TEX2: variants seen among roughly 807,000 people sequenced by gnomAD.
The protein encoded by TEX2 is testis expressed 2.
Under a neutral mutation model 106.9 loss-of-function variants are expected in TEX2, and 53 were observed. The ratio of observed to expected loss-of-function variants is 0.50; its 90% confidence interval spans 0.40 to 0.62. The LOEUF is 0.62. TEX2 is among the 20% of genes least tolerant of loss of function. The pLI is 0.00. For missense variants in TEX2, 1,207 were observed against 1,379.0 expected, an observed-to-expected ratio of 0.88 and a Z score of 1.98; for synonymous variants, 523 against 534.8, an observed-to-expected ratio of 0.98 and a Z score of 0.30.
chr17:64,227,739 G>A (rs994987611), intron 1 of TEX2, among the ~76,000 whole-genome samples: 2 of 152,158 alleles, frequency 1.3e-5, no homozygotes, highest in African/African-American at 4.8e-5. Flanking sequence ...GTAGCAGTCT[G>A]GCCCTCTGGC....
Position 64,148,207 on chromosome 17 carries a change from C to T in TEX2, c.*762G>A, listed in dbSNP as rs923320840. The T allele has an allele frequency of 6.6e-6, 1 of 152,644 alleles. No homozygotes were observed. The highest frequency in any genetic ancestry group is 1.5e-5 in the Non-Finnish European group (1 of 68,044). 9.5% of individuals were successfully genotyped at this position (152,644 alleles called of 1,614,324 possible). On this transcript the variant is annotated 3_prime_UTR_variant, in exon 12 of 12. Coordinates refer to ENST00000584379, the MANE Select transcript of TEX2 (RefSeq NM_001288732.2). ...ATCCCATCTGTATGAGAGGACCCAT[C>T]CTGTCATGTGCAGTGTTTGATGTTT...
chr17:64,213,760 A>G lies in TEX2; in HGVS notation c.458T>C (p.Leu153Pro), dbSNP rs1366145501. The G allele has an allele frequency of 6.2e-7, 1 of 1,614,094 alleles. No individual in the cohort carries two copies. The highest frequency in any genetic ancestry group is 1.7e-5 in the Admixed American group (1 of 59,998). Residue 153 changes from leucine (L) to proline (P), a missense_variant, in exon 2 of 12, where the codon CTT (leucine) becomes CCT (proline). Coordinates refer to ENST00000584379, the MANE Select transcript of TEX2 (RefSeq NM_001288732.2). This position sits in a 1 kb window ranked among gnomAD's most constrained non-coding sequence, Gnocchi z 4.4. ...GGAAGAACTGGTTTTCTGCTCAGAA[A>G]GGGATGACACACTGGGAGAGCTAGC... ...PLASSPSVSS[L>P]SEQKTSSSSP...
At chr17:64,259,896 A>C (rs2034258779) in intron 1 of TEX2, among the ~76,000 whole-genome samples, 1 of 152,236 alleles carries the variant, frequency 6.6e-6, no homozygotes, top group Non-Finnish European at 1.5e-5. Context: ...GACCCCATAC[A>C]TTACAAGATG....
At position 64,152,980 on chromosome 17, in the gene TEX2, C is replaced by T. The variant is rs765478209; in HGVS notation, c.3105G>A (p.Ala1035=). The T allele has an allele frequency of 8.1e-6, 13 of 1,614,138 alleles. No individual in the cohort carries two copies. Among genetic ancestry groups the T allele is most frequent in the South Asian group, 2.2e-5 (2 of 91,086 alleles). Residue 1035 remains alanine (A), a synonymous_variant, in exon 10 of 12, where the codon GCG becomes GCA. Transcript: ENST00000584379. The part of the protein sequence containing the change: ...VEVQECRGTL[A]VNIPPPPTDR... The stretch of plus-strand genomic sequence containing the variant: ...CAGTCGGGGGTGGTGGAATGTTGAC[C>T]GCCAAGGTTCCTCTACATTCTTGTA...
Position 64,195,068 on chromosome 17 carries a change from C to T in TEX2, c.1672G>A (p.Asp558Asn), listed in dbSNP as rs1276487937. 2 of 1,614,122 alleles carry T rather than the reference C, an allele frequency of 1.2e-6. No homozygotes were observed. Among genetic ancestry groups the T allele is most frequent in the Non-Finnish European group, 8.5e-7 (1 of 1,179,984 alleles). The change falls in exon 3 of 12, where the codon GAT becomes AAT. Residue 558 changes from aspartate to asparagine, a missense_variant. Asp to Asn is a conservative substitution (Grantham distance 23). Around this residue, in one of 3 missense-constraint regions of TEX2, gnomAD observed 1,067 missense variants for 1,193.6 expected, o/e 0.89. Transcript: ENST00000584379. This position sits in a 1 kb window ranked among gnomAD's most constrained non-coding sequence, Gnocchi z 4.1. ...KGWMNEIYNY[D>N]PETYHATLTH... ...AAAGTCGCATGGTAGGTTTCTGGAT[C>T]ATAGTTGTAAATCTCATTCATCCAT...
intron 1 of TEX2, among the ~76,000 whole-genome samples, chr17:64,242,041 G>A (rs2033898373): frequency 6.6e-6 from 1 of 152,200 alleles, no homozygotes; most frequent in Non-Finnish European, 1.5e-5. Flanking sequence ...ATTCACTGCT[G>A]TATCCCAATG....
intron 7 of TEX2, among the ~76,000 whole-genome samples, chr17:64,166,142 C>A (rs1014953354): frequency 6.6e-6 from 1 of 152,164 alleles, no homozygotes; most frequent in African/African-American, 2.4e-5. Flanking sequence ...CTGACAGAAG[C>A]GGCCCCCACC....
At chr17:64,207,608 C>G (rs1555630911) in intron 2 of TEX2, among the ~76,000 whole-genome samples, 1 of 152,158 alleles carries the variant, frequency 6.6e-6, no homozygotes, top group Non-Finnish European at 1.5e-5. Flanking sequence ...AGTTCACAGG[C>G]CTGTTTTATA....
In TEX2 at chr17:64,212,565, G is replaced by C. The variant is rs782293259; in HGVS notation, c.1644+9C>G. The C allele has an allele frequency of 1.2e-6, 2 of 1,608,146 alleles. No individual in the cohort carries two copies. Among genetic ancestry groups the C allele is most frequent in the East Asian group, 4.5e-5 (2 of 44,856 alleles). ...GTGTGTACTAGCCAGCTCCCGGGGA[G>C]AGGCTTACCTTCAGTATTTCAGGTT... On this transcript the variant is annotated intron_variant, in intron 2 of 11. Transcript: ENST00000584379.
Position 64,217,929 on chromosome 17 carries a change from G to A in TEX2, c.-25-3687C>T, listed in dbSNP as rs1462350700. On this transcript the variant is annotated intron_variant, in intron 1 of 11. Transcript: ENST00000584379. The surrounding 1 kb of genome is among the most constrained non-coding windows in gnomAD (Gnocchi z 4.3). Reference sequence around the variant, plus strand: ...TAAGCAAAAGTCTGACATGATCAAAGTGGTACACAAAATTAATCACGTCCC... The same window carrying A: ...TAAGCAAAAGTCTGACATGATCAAAATGGTACACAAAATTAATCACGTCCC... Among the ~76,000 whole-genome samples, 2 of 152,188 alleles carry A rather than the reference G, an allele frequency of 1.3e-5. No homozygotes were observed. Among genetic ancestry groups the A allele is most frequent in the Non-Finnish European group, 2.9e-5 (2 of 68,030 alleles).
chr17:64,192,381 G>C (rs1025814282), intron 4 of TEX2, among the ~76,000 whole-genome samples: 3 of 152,210 alleles, frequency 2.0e-5, no homozygotes, highest in Non-Finnish European at 4.4e-5. Context: ...GCCATGTGAT[G>C]ATAGGCCAGT....
At chr17:64,218,371 T>A (rs190202813) in intron 1 of TEX2, among the ~76,000 whole-genome samples, 36 of 151,324 alleles carry the variant, frequency 2.4e-4, no homozygotes, top group African/African-American at 8.0e-4. Context: ...CCCTCAAGCA[T>A]TGGCCTAGCC....
intron 4 of TEX2, among the ~76,000 whole-genome samples, chr17:64,191,817 C>CAAAAAAAA (rs58376086): frequency 3.3e-4 from 40 of 119,906 alleles, no homozygotes; most frequent in Non-Finnish European, 4.1e-4. Flanking sequence ...GACTCCATCT[C>CAAAAAAAA]AAAAAAAAAA....
rs141067161 is a variant in TEX2 at position 64,211,513 on chromosome 17, T to C, written c.1644+1061A>G. On this transcript the variant is annotated intron_variant, in intron 2 of 11. Coordinates refer to ENST00000584379, the MANE Select transcript of TEX2 (RefSeq NM_001288732.2). The stretch of plus-strand genomic sequence containing the variant: ...GAAAATATGAAATTAAAAAAAATAA[T>C]AACAATCCAACAGTAAAAAAGATAC... Among the ~76,000 whole-genome samples the C allele has an allele frequency of 2.2e-3, 333 of 152,120 alleles. 1 individual carries two copies. The highest frequency in any genetic ancestry group is 7.6e-3 in the African/African-American group (317 of 41,512).
At chr17:64,164,907 T>TCA (rs2031055885) in intron 7 of TEX2, among the ~76,000 whole-genome samples, 1 of 152,186 alleles carries the variant, frequency 6.6e-6, no homozygotes, top group Non-Finnish European at 1.5e-5. Flanking sequence ...TCTAATAATC[T>TCA]CACACAGCAG....
rs71156002 is a variant in TEX2, at chr17:64,170,622, C to CTTTTTTTTTTTTT, written c.2671+465_2671+477dup. On this transcript the variant is annotated intron_variant, in intron 7 of 11. Coordinates refer to ENST00000584379, the MANE Select transcript of TEX2 (RefSeq NM_001288732.2). The stretch of plus-strand genomic sequence containing the variant: ...ATGGGAGCTTGGATCTATTCCAAAT[C>CTTTTTTTTTTTTT]TTTTTTTTTTTTTTTTTTTTTTTTT... Among the ~76,000 whole-genome samples the CTTTTTTTTTTTTT allele has an allele frequency of 4.2e-4, 31 of 73,742 alleles. 4 individuals carry two copies. Among genetic ancestry groups the CTTTTTTTTTTTTT allele is most frequent in the Non-Finnish European group, 4.9e-4 (21 of 42,532 alleles). The allele number at this position is 73,742 out of a possible 152,430, so 48.4% of individuals were successfully genotyped here. A position where few individuals can be genotyped will look rare whatever the true frequency, so the allele number is the denominator to read the frequency against.
At position 64,205,151 on chromosome 17, in the gene TEX2, TC is replaced by T. The variant is rs782197732; in HGVS notation, c.1644+7422del. Among the ~76,000 whole-genome samples, 9 of 152,090 alleles carry T rather than the reference TC, an allele frequency of 5.9e-5. No homozygotes were observed. The highest frequency in any genetic ancestry group is 1.3e-4 in the Non-Finnish European group (9 of 68,010). ...TTCTGGTAAGTGAGGGCTGCCTGCA[TC>T]AAAACATCTCACTGATTAGCCGTGC... On this transcript the variant is annotated intron_variant, in intron 2 of 11. Coordinates refer to ENST00000584379, the MANE Select transcript of TEX2 (RefSeq NM_001288732.2). This position sits in a 1 kb window ranked among gnomAD's most constrained non-coding sequence, Gnocchi z 4.0.
chr17:64,157,965 G>A (rs543997258), intron 8 of TEX2, among the ~76,000 whole-genome samples: 1 of 152,320 alleles, frequency 6.6e-6, no homozygotes, highest in African/African-American at 2.4e-5. Context: ...CACCCAAAAG[G>A]CAGAGCGCTC....
chr17:64,154,798 T>C, intron 9 of TEX2, 44 bp downstream of exon 9: 1 of 1,520,702 alleles, frequency 6.6e-7, no homozygotes, highest in Non-Finnish European at 8.8e-7. Flanking sequence ...CTTGCTGTCC[T>C]GATCCCTGGA....
Sources: gnomAD v4.1 joint callset for allele counts (sites outside exome capture counted in the v4.1 genomes callset) on GRCh38, gnomAD v4.1.1 for gene constraint, gnomAD v4.1.1 regional missense constraint, Gnocchi (gnomAD v3.1) non-coding constraint, MANE v1.5 for transcripts, NCBI Gene and HGNC (gene_info 2026-07-23, HGNC 2026-07-21) for gene names.